Variants in TRPC1 observed in about 807,000 individuals in gnomAD.
The protein encoded by TRPC1 is transient receptor potential cation channel subfamily C member 1, also known as short transient receptor potential channel 1.
In TRPC1, 42 loss-of-function variants were observed where a neutral mutation model predicts 88.2. That is an observed-to-expected ratio of 0.48 (90% CI 0.37 to 0.62). TRPC1 has a LOEUF of 0.62. TRPC1 is among the 20% of genes least tolerant of loss of function. The probability of loss-of-function intolerance (pLI) is 0.00; values close to 1 mark genes in which losing one functional copy is unlikely to be tolerated. For missense variants in TRPC1, 699 were observed against 957.3 expected (o/e 0.73, Z 3.56); for synonymous variants, 288 against 331.8 (o/e 0.87, Z 1.43).
chr3:142,758,261 G>C (rs1294996440), intron 4 of TRPC1, among the ~76,000 whole-genome samples: 1 of 152,178 alleles, frequency 6.6e-6, no homozygotes, highest in Non-Finnish European at 1.5e-5. Flanking sequence ...AACAGTGTGT[G>C]AGAGTTCCCC....
intron 9 of TRPC1, among the ~76,000 whole-genome samples, chr3:142,794,945 T>C (rs903392762): frequency 1.3e-5 from 2 of 152,054 alleles, no homozygotes; most frequent in Non-Finnish European, 2.9e-5. Flanking sequence ...TAAGGACTCT[T>C]CAGCAGTTAT....
intron 9 of TRPC1, chr3:142,793,845 T>C (rs1279616577): frequency 2.0e-6 from 2 of 984,814 alleles, no homozygotes; most frequent in Admixed American, 1.2e-4. Context: ...AACAGGGATA[T>C]GAAAATAAAA....
At chr3:142,802,966 G>A (rs946431298) in intron 10 of TRPC1, among the ~76,000 whole-genome samples, 3 of 152,160 alleles carry the variant, frequency 2.0e-5, no homozygotes, top group African/African-American at 7.2e-5. Flanking sequence ...TAAAGAATAA[G>A]ATTAATGAGT....
intron 10 of TRPC1, 83 bp from the exon 11 acceptor site, chr3:142,803,894 A>G (rs1264932341): frequency 7.4e-7 from 1 of 1,360,400 alleles, no homozygotes; most frequent in East Asian, 2.5e-5. Context: ...TGTTTTATTT[A>G]AATAATTTTG....
At chr3:142,760,075 C>G (rs909706885) in intron 4 of TRPC1, among the ~76,000 whole-genome samples, 2 of 152,120 alleles carry the variant, frequency 1.3e-5, no homozygotes, top group Non-Finnish European at 2.9e-5. Context: ...ATCCACCCAC[C>G]TCGGCCTCCC....
At chr3:142,786,759 T>G (rs1936146792) in intron 7 of TRPC1, among the ~76,000 whole-genome samples, 1 of 152,174 alleles carries the variant, frequency 6.6e-6, no homozygotes, top group Non-Finnish European at 1.5e-5. Flanking sequence ...TTTAAACTAT[T>G]TCTGATTGTT....
chr3:142,748,150 A>T (rs1262315121), intron 3 of TRPC1, 108 bp from the exon 4 acceptor site: 3 of 1,047,208 alleles, frequency 2.9e-6, no homozygotes, highest in Non-Finnish European at 4.1e-6. Flanking sequence ...TCCTTAAATA[A>T]TTCTTAAGTT....
At chr3:142,777,338 A>G (rs975299185) in intron 4 of TRPC1, among the ~76,000 whole-genome samples, 9 of 152,184 alleles carry the variant, frequency 5.9e-5, no homozygotes, top group African/African-American at 2.2e-4. Context: ...TATGAATTTA[A>G]TTAAACTGGA....
intron 9 of TRPC1, among the ~76,000 whole-genome samples, chr3:142,800,021 T>C (rs2108159047): frequency 6.6e-6 from 1 of 152,292 alleles, no homozygotes; most frequent in Non-Finnish European, 1.5e-5. Context: ...CAGACTTTCC[T>C]CAAGGTGATC....
intron 9 of TRPC1, among the ~76,000 whole-genome samples, chr3:142,795,502 T>C (rs1040231298): frequency 2.0e-5 from 3 of 151,352 alleles, no homozygotes; most frequent in Non-Finnish European, 4.4e-5. Context: ...AAAAGAAAGG[T>C]AAGGATGACA....
intron 3 of TRPC1, among the ~76,000 whole-genome samples, chr3:142,746,908 T>G (rs1297263772): frequency 6.6e-6 from 1 of 151,676 alleles, no homozygotes; most frequent in African/African-American, 2.4e-5. Context: ...GCTGCTGGGC[T>G]TTTATGTTAA....
rs1057272507 is a variant in TRPC1, at chr3:142,736,546, A to T, written c.327+13A>T. ...CTACGGTTGTCAGGTACAAGGCTAG[A>T]TAATTTAATCCAGTTAACTTCTAAG... On this transcript the variant is annotated intron_variant, in intron 2 of 12. Coordinates refer to ENST00000476941, the MANE Select transcript of TRPC1 (RefSeq NM_001251845.2). 5 of 1,582,342 alleles carry T rather than the reference A, an allele frequency of 3.2e-6. No homozygotes were observed. Among genetic ancestry groups the T allele is most frequent in the Non-Finnish European group, 4.3e-6 (5 of 1,168,050 alleles).
In TRPC1 at chr3:142,776,387, G is replaced by T. The variant is rs1488734595; in HGVS notation, c.633-1245G>T. Among the ~76,000 whole-genome samples, 1 of 151,884 alleles carries T rather than the reference G, an allele frequency of 6.6e-6. No individual in the cohort carries two copies. Among genetic ancestry groups the T allele is most frequent in the African/African-American group, 2.4e-5 (1 of 41,388 alleles). ...GAAAAATATAATATCTACTAAATTT[G>T]TAAATTAAGAATTATATTAATAAAT... On this transcript the variant is annotated intron_variant, in intron 4 of 12. Transcript: ENST00000476941. This position sits in a 1 kb window ranked among gnomAD's most constrained non-coding sequence, Gnocchi z 4.1.
At chr3:142,732,103 A>G (rs1933943796) in intron 1 of TRPC1, among the ~76,000 whole-genome samples, 1 of 152,206 alleles carries the variant, frequency 6.6e-6, no homozygotes, top group Admixed American at 6.5e-5. Flanking sequence ...AGTAAGTAAT[A>G]TAAGTTGCAA....
chr3:142,751,963 T>A (rs1934780944), intron 4 of TRPC1, among the ~76,000 whole-genome samples: 1 of 146,632 alleles, frequency 6.8e-6, no homozygotes, highest in Non-Finnish European at 1.5e-5. Flanking sequence ...TTTTTAGTTT[T>A]AAAATGACTA....
At chr3:142,725,151 G>A (rs1364788514) in intron 1 of TRPC1, among the ~76,000 whole-genome samples, 1 of 152,192 alleles carries the variant, frequency 6.6e-6, no homozygotes, top group Non-Finnish European at 1.5e-5. Context: ...CTTACCTTAG[G>A]ATGCCTCGTA....
In TRPC1 at chr3:142,746,631, A is replaced by C. The variant is rs552113229; in HGVS notation, c.430-1627A>C. 3.8e-4 allele frequency among the ~76,000 whole-genome samples: 58 copies of C among 152,344 alleles called. No individual in the cohort carries two copies. The South Asian group carries it at 0.012, about 30-fold the overall frequency. ...GGAAATTAAATTACAATTTCATGAT[A>C]GTATTTTTCACTATAAATTGGGAGT... On this transcript the variant is annotated intron_variant, in intron 3 of 12. Coordinates refer to ENST00000476941, the MANE Select transcript of TRPC1 (RefSeq NM_001251845.2).
At chr3:142,777,567 AG>A (rs2108110250) in intron 4 of TRPC1, 64 bp from the exon 5 acceptor site, 1 of 1,082,258 alleles carries the variant, frequency 9.2e-7, no homozygotes, top group East Asian at 3.0e-5. Context: ...TGAAAATTAT[AG>A]ATTAAAATAC....
At chr3:142,747,512 T>C (rs1378552008) in intron 3 of TRPC1, among the ~76,000 whole-genome samples, 1 of 152,156 alleles carries the variant, frequency 6.6e-6, no homozygotes, top group African/African-American at 2.4e-5. Flanking sequence ...AAACCTGGAT[T>C]CTGATCAGCA....
Sources: gnomAD v4.1 joint callset for allele counts (sites outside exome capture counted in the v4.1 genomes callset) on GRCh38, gnomAD v4.1.1 for gene constraint, Gnocchi (gnomAD v3.1) non-coding constraint, MANE v1.5 for transcripts, NCBI Gene and HGNC (gene_info 2026-07-23, HGNC 2026-07-21) for gene names.